PLEKHA5: variants seen among roughly 807,000 people sequenced by gnomAD.
PLEKHA5 encodes the protein pleckstrin homology domain-containing family A member 5.
A neutral mutation model predicts 181.9 loss-of-function variants in PLEKHA5; 55 were observed. That is an observed-to-expected ratio of 0.30 (90% CI 0.24 to 0.38). The LOEUF is 0.38. Among genes scored for constraint, PLEKHA5 ranks in the 10% least tolerant of loss-of-function variants. The pLI is 1.00. For missense variants in PLEKHA5, 1,432 were observed against 1,549.5 expected (o/e 0.92, Z 1.27); for synonymous variants, 535 against 529.4 (o/e 1.01, Z -0.15).
At chr12:19,260,733 G>A (rs1470424552) in intron 6 of PLEKHA5, among the ~76,000 whole-genome samples, 3 of 151,990 alleles carry the variant, frequency 2.0e-5, no homozygotes, top group Non-Finnish European at 4.4e-5. Context: ...GGTGGCAGGC[G>A]CATGTAACCC....
intron 3 of PLEKHA5, among the ~76,000 whole-genome samples, chr12:19,161,616 A>G (rs953191674): frequency 6.6e-6 from 1 of 152,170 alleles, no homozygotes; most frequent in Admixed American, 6.5e-5. Context: ...GGTGCGAACC[A>G]CCGTTTTAAA....
intron 15 of PLEKHA5, among the ~76,000 whole-genome samples, chr12:19,309,522 G>A (rs1282204682): frequency 2.6e-5 from 4 of 152,042 alleles, no homozygotes; most frequent in Non-Finnish European, 4.4e-5. Context: ...TTGGGAGGCC[G>A]AGGCGGGCGG....
intron 3 of PLEKHA5, among the ~76,000 whole-genome samples, chr12:19,224,816 C>G (rs2059462808): frequency 6.6e-6 from 1 of 152,058 alleles, no homozygotes; most frequent in Admixed American, 6.6e-5. Context: ...GTTCTAAAAG[C>G]AATGTTTTTG....
At position 19,322,550 on chromosome 12, in the gene PLEKHA5, C is replaced by G. The variant is rs756317150; in HGVS notation, c.2331C>G (p.Ser777Arg). 1.2e-6 allele frequency: 2 copies of G among 1,613,840 alleles called. No individual in the cohort carries two copies. Among genetic ancestry groups the G allele is most frequent in the South Asian group, 2.2e-5 (2 of 91,082 alleles). ...YTLEQALLSA[S>R]QEIEMHADNP... ...TTGAGCAAGCTTTGCTATCAGCCAG[C>G]CAAGAGATAGAAATGCATGCAGATA... The change falls in exon 20 of 32, where the codon AGC (serine) becomes AGG (arginine). Residue 777 changes from serine to arginine, a missense_variant. By Grantham distance (110) the Ser-to-Arg change is moderately radical (BLOSUM62 -1). This residue lies in a region of PLEKHA5 where 1,143 missense variants were observed against 1,168.4 expected (regional missense o/e 0.98). Coordinates refer to ENST00000429027, the MANE Select transcript of PLEKHA5 (RefSeq NM_001256470.2).
At chr12:19,189,701 T>C (rs2050658603) in intron 3 of PLEKHA5, among the ~76,000 whole-genome samples, 1 of 152,194 alleles carries the variant, frequency 6.6e-6, no homozygotes, top group Non-Finnish European at 1.5e-5. Context: ...TTGACTCATA[T>C]CAACATATTC....
Position 19,250,630 on chromosome 12 carries a change from A to G in PLEKHA5, c.228-3310A>G, listed in dbSNP as rs7969881. ...AAAAAAAAATAAAGACTTGAATTTT[A>G]TCCTTTTTATAAGGATTCTTCTAGA... is the stretch of plus-strand genomic sequence containing the variant. On this transcript the variant is annotated intron_variant, in intron 3 of 31. Transcript: ENST00000429027. Among the ~76,000 whole-genome samples the G allele has an allele frequency of 3.0e-3, 456 of 152,322 alleles. 2 individuals carry two copies. Among genetic ancestry groups the G allele is most frequent in the African/African-American group, 0.011 (442 of 41,568 alleles).
At chr12:19,182,868 A>G (rs2048929648) in intron 3 of PLEKHA5, among the ~76,000 whole-genome samples, 1 of 152,250 alleles carries the variant, frequency 6.6e-6, no homozygotes, top group East Asian at 1.9e-4. Context: ...AAAACAACAC[A>G]GACTGCAACT....
At position 19,336,566 on chromosome 12, in the gene PLEKHA5, G is replaced by T; in HGVS notation, c.2500G>T (p.Val834Phe). The change falls in exon 21 of 32, where the codon GTT becomes TTT. Residue 834 changes from valine (V) to phenylalanine (F), a missense_variant. This residue lies in a region of PLEKHA5 where 1,143 missense variants were observed against 1,168.4 expected (regional missense o/e 0.98). Coordinates refer to ENST00000429027, the MANE Select transcript of PLEKHA5 (RefSeq NM_001256470.2). ...TGATAAGTTAGAATACGATGTAACT[G>T]TTACCAGGAACCAGATGCAAGAGCA... Reference protein sequence around the residue: ...EYDKLEYDVTVTRNQMQEQLD... With the variant: ...EYDKLEYDVTFTRNQMQEQLD... 3 of 1,610,508 alleles carry T rather than the reference G, an allele frequency of 1.9e-6. No individual in the cohort carries two copies. The highest frequency in any genetic ancestry group is 2.5e-6 in the Non-Finnish European group (3 of 1,177,482).
At chr12:19,337,966 G>A (rs368575768) in intron 21 of PLEKHA5, among the ~76,000 whole-genome samples, 2 of 151,666 alleles carry the variant, frequency 1.3e-5, no homozygotes, top group African/African-American at 2.4e-5. Flanking sequence ...GGGAGGTGGA[G>A]GTTGCAGGGA....
intron 3 of PLEKHA5, among the ~76,000 whole-genome samples, chr12:19,229,754 C>T (rs1018573487): frequency 1.2e-4 from 18 of 152,194 alleles, no homozygotes; most frequent in Non-Finnish European, 2.6e-4. Context: ...TGGCCCCACC[C>T]ACATCCTGCT....
At chr12:19,212,420 C>T (rs1021847933) in intron 3 of PLEKHA5, among the ~76,000 whole-genome samples, 3 of 152,192 alleles carry the variant, frequency 2.0e-5, no homozygotes, top group Admixed American at 2.0e-4. Flanking sequence ...TGGTGGCCCA[C>T]GCCTGTAATC....
intron 15 of PLEKHA5, among the ~76,000 whole-genome samples, chr12:19,303,995 G>T (rs183621598): frequency 0.15 from 19,715 of 135,658 alleles, 1,353 homozygotes; most frequent in South Asian, 0.21. Flanking sequence ...TTTTGTAGAG[G>T]GGGGGGTTTC....
chr12:19,283,626 G>A lies in PLEKHA5; in HGVS notation c.1660G>A (p.Gly554Arg), dbSNP rs770689652. 17 of 1,613,808 alleles carry A rather than the reference G, an allele frequency of 1.1e-5. No homozygotes were observed. Among genetic ancestry groups the A allele is most frequent in the Admixed American group, 3.3e-5 (2 of 59,978 alleles). ...MHSIPTSPSHGSIAAYQGYSP... is the reference protein window; with the variant it reads ...MHSIPTSPSHRSIAAYQGYSP... Reference sequence around the variant, plus strand: ...CTCTATTCCCACATCACCTTCCCACGGGTCAATAGCTGCTTATCAGGGATA... The same window carrying A: ...CTCTATTCCCACATCACCTTCCCACAGGTCAATAGCTGCTTATCAGGGATA... The change falls in exon 12 of 32, where the codon GGG (glycine) becomes AGG (arginine). Residue 554 changes from glycine (G) to arginine (R), a missense_variant. Around this residue, in one of 2 missense-constraint regions of PLEKHA5, gnomAD observed 1,143 missense variants for 1,168.4 expected, o/e 0.98. Coordinates refer to ENST00000429027, the MANE Select transcript of PLEKHA5 (RefSeq NM_001256470.2).
chr12:19,143,246 AATGT>A (rs2037951833), intron 3 of PLEKHA5, among the ~76,000 whole-genome samples: 1 of 152,214 alleles, frequency 6.6e-6, no homozygotes, highest in Admixed American at 6.5e-5. Context: ...TCCTACCAAC[AATGT>A]GCAAGGATTT....
intron 3 of PLEKHA5, among the ~76,000 whole-genome samples, chr12:19,144,562 A>G (rs1021177190): frequency 3.3e-5 from 5 of 152,330 alleles, no homozygotes; most frequent in Middle Eastern, 3.4e-3. Context: ...GGAGAGCTAC[A>G]TAGGAGTGCA....
chr12:19,176,212 C>G (rs1189233889), intron 3 of PLEKHA5: 2 of 150,172 alleles, frequency 1.3e-5, no homozygotes, highest in Non-Finnish European at 3.0e-5. Flanking sequence ...CACCTTCCTC[C>G]CTCCCTCTGT....
intron 8 of PLEKHA5, among the ~76,000 whole-genome samples, chr12:19,266,770 TGAG>T (rs2070596546): frequency 6.6e-6 from 1 of 151,902 alleles, no homozygotes; most frequent in Non-Finnish European, 1.5e-5. Context: ...GGTGACAGAG[TGAG>T]ACTCTGTATT....
chr12:19,157,153 C>A (rs2151415812), intron 3 of PLEKHA5, among the ~76,000 whole-genome samples: 2 of 149,578 alleles, frequency 1.3e-5, no homozygotes. Context: ...ATACAGCTTA[C>A]CCTCGTATAT....
At chr12:19,245,244 G>T (rs929213444) in intron 3 of PLEKHA5, among the ~76,000 whole-genome samples, 3 of 152,044 alleles carry the variant, frequency 2.0e-5, no homozygotes, top group Non-Finnish European at 2.9e-5. Flanking sequence ...AAGTTGCTTT[G>T]TCTAAGAAAA....
Sources: allele counts gnomAD v4.1 joint callset (sites outside exome capture counted in the v4.1 genomes callset), GRCh38; gene constraint gnomAD v4.1.1; regional missense constraint gnomAD v4.1.1; transcripts MANE v1.5; gene names NCBI Gene and HGNC (gene_info 2026-07-23, HGNC 2026-07-21).